The following ACADS variants were observed in gnomAD, a reference collection of about 807,000 sequenced individuals.
ACADS encodes the protein short-chain specific acyl-CoA dehydrogenase, mitochondrial.
ACADS carries 28 observed loss-of-function variants against 46.8 expected under a neutral mutation model. That is an observed-to-expected ratio of 0.60 (90% CI 0.44 to 0.82). The LOEUF is 0.82. Among genes scored for constraint, ACADS ranks in the 40% least tolerant of loss-of-function variants. The pLI is 0.00. For missense variants in ACADS, 528 were observed against 578.0 expected (o/e 0.91, Z 0.89); for synonymous variants, 236 against 237.7 (o/e 0.99, Z 0.07).
intron 2 of ACADS, among the ~76,000 whole-genome samples, chr12:120,730,220 A>G (rs1345291110): frequency 1.3e-5 from 2 of 152,148 alleles, no homozygotes; most frequent in African/African-American, 4.8e-5. Context: ...TGACTTTGTT[A>G]TCCGCCCGCC....
rs1800556 is a variant in ACADS, at chr12:120,737,875, C to T, written c.511C>T (p.Arg171Trp). ...TGCAGGAGCTGCGTCCACCACCGCCCGGGCCGAGGGCGACTCATGGGTTCT... is the reference window on the plus strand; with the variant it reads ...TGCAGGAGCTGCGTCCACCACCGCCTGGGCCGAGGGCGACTCATGGGTTCT... ...SDAGAASTTA[R>W]AEGDSWVLNG... The change falls in exon 5 of 10, where the codon CGG becomes TGG. Residue 171 changes from arginine to tryptophan, a missense_variant. By Grantham distance (101) the Arg-to-Trp change is moderately radical (BLOSUM62 -3). Transcript: ENST00000242592. The T allele has an allele frequency of 0.041, 66,708 of 1,613,908 alleles. 1,595 individuals carry two copies. Among genetic ancestry groups the T allele is most frequent in the Non-Finnish European group, 0.048 (56,902 of 1,179,884 alleles).
intron 2 of ACADS, among the ~76,000 whole-genome samples, chr12:120,735,994 C>CATCCCTGTCCCCGTCCCTGTCCCT (rs1883424426): frequency 2.0e-5 from 3 of 151,724 alleles, no homozygotes; most frequent in African/African-American, 7.3e-5. Flanking sequence ...CTCCCGTCCC[C>CATCCCTGTCCCCGTCCCTGTCCCT]ATCCCTGTCC....
At position 120,725,907 on chromosome 12, in the gene ACADS, C is replaced by A. The variant is rs777704501; in HGVS notation, c.22C>A (p.Arg8=). ...GCCCATGGCCGCCGCGCTGCTCGCC[C>A]GGGCCTCGGGCCCTGCCCGCAGAGG... MAAALLA[R]ASGPARRALC... Residue 8 remains arginine, a synonymous_variant, in exon 1 of 10, where the codon CGG becomes AGG. Coordinates refer to ENST00000242592, the MANE Select transcript of ACADS (RefSeq NM_000017.4). 4 of 1,556,266 alleles carry A rather than the reference C, an allele frequency of 2.6e-6. No individual in the cohort carries two copies. The highest frequency in any genetic ancestry group is 2.4e-5 in the East Asian group (1 of 41,880).
At chr12:120,727,266 C>A in intron 2 of ACADS, 77 bp downstream of exon 2, 2 of 1,581,098 alleles carry the variant, frequency 1.3e-6, no homozygotes, top group Non-Finnish European at 8.7e-7. Context: ...TGACAGTCAG[C>A]GGCACTCGGA....
In ACADS at chr12:120,725,858, G is replaced by T; in HGVS notation, c.-28G>T. On this transcript the variant is annotated 5_prime_UTR_variant, in exon 1 of 10. Coordinates refer to ENST00000242592, the MANE Select transcript of ACADS (RefSeq NM_000017.4). ...AACAGCGCGCTCGCAGCGGGAGGTC[G>T]CGAAGCCTGGGACTGTGTCTGTCGC... 3.3e-6 allele frequency: 5 copies of T among 1,536,264 alleles called. No homozygotes were observed. Among genetic ancestry groups the T allele is most frequent in the East Asian group, 2.5e-5 (1 of 40,442 alleles).
chr12:120,727,646 C>T (rs1280168862), intron 2 of ACADS, among the ~76,000 whole-genome samples: 1 of 152,180 alleles, frequency 6.6e-6, no homozygotes, highest in Non-Finnish European at 1.5e-5. Flanking sequence ...AAGTGATTCT[C>T]CTGCCTCAGC....
chr12:120,732,242 G>A (rs1304449212), intron 2 of ACADS, among the ~76,000 whole-genome samples: 85 of 151,334 alleles, frequency 5.6e-4, no homozygotes, highest in African/African-American at 1.9e-3. Flanking sequence ...CCTCCCGGAC[G>A]GGGCGGCTGG....
In ACADS at chr12:120,738,638, G is replaced by A. The variant is rs761970893; in HGVS notation, c.901G>A (p.Gly301Arg). The A allele has an allele frequency of 4.3e-6, 7 of 1,612,706 alleles. No homozygotes were observed. The highest frequency in any genetic ancestry group is 1.7e-5 in the Admixed American group (1 of 60,004). Reference sequence around the variant, plus strand: ...CTACGCTGAGAATCGCATGGCCTTCGGGGCGCCCCTCACCAAGCTCCAGGT... The same window carrying A: ...CTACGCTGAGAATCGCATGGCCTTCAGGGCGCCCCTCACCAAGCTCCAGGT... Reference protein sequence around the residue: ...VNYAENRMAFGAPLTKLQVIQ... With the variant: ...VNYAENRMAFRAPLTKLQVIQ... The change falls in exon 7 of 10, where the codon GGG (glycine) becomes AGG (arginine). Residue 301 changes from glycine (G) to arginine (R), a missense_variant. Gly to Arg is a moderately radical substitution (Grantham distance 125, BLOSUM62 -2). Transcript: ENST00000242592.
intron 2 of ACADS, 46 bp from the exon 3 acceptor site, chr12:120,736,940 C>T (rs1293834760): frequency 1.3e-5 from 20 of 1,541,016 alleles, no homozygotes; most frequent in Middle Eastern, 1.9e-4. Flanking sequence ...AGGGTGGGCT[C>T]GCCCCCGGCA....
chr12:120,738,957 G>T (rs1883559276), intron 8 of ACADS, 42 bp downstream of exon 8: 1 of 1,610,302 alleles, frequency 6.2e-7, no homozygotes, highest in African/African-American at 1.3e-5. Context: ...GAATGTGGTG[G>T]GCCCAGGGAC....
At chr12:120,737,322 T>C in intron 3 of ACADS, 34 bp from the exon 4 acceptor site, 1 of 1,601,190 alleles carries the variant, frequency 6.2e-7, no homozygotes, top group Non-Finnish European at 8.5e-7. Context: ...CGCCTGGGCC[T>C]GGGGCCTCCG....
At chr12:120,729,989 T>A (rs555317230) in intron 2 of ACADS, among the ~76,000 whole-genome samples, 2 of 152,146 alleles carry the variant, frequency 1.3e-5, no homozygotes, top group African/African-American at 4.8e-5. Flanking sequence ...TTTTAAATTA[T>A]TTTTGTGTGT....
At chr12:120,727,292 C>T in intron 2 of ACADS, 103 bp downstream of exon 2, 1 of 1,490,546 alleles carries the variant, frequency 6.7e-7, no homozygotes, top group Non-Finnish European at 9.3e-7. Flanking sequence ...GTAGAGGAAC[C>T]CCAAAGCAGG....
chr12:120,726,129 A>AC (rs1883075733), intron 1 of ACADS, among the ~76,000 whole-genome samples, 198 bp downstream of exon 1: 1 of 150,282 alleles, frequency 6.7e-6, no homozygotes, highest in South Asian at 2.2e-4. Flanking sequence ...TCCTGCACAG[A>AC]CCCCTACCCC....
chr12:120,730,985 G>A (rs998293320), intron 2 of ACADS, among the ~76,000 whole-genome samples: 7 of 152,024 alleles, frequency 4.6e-5, no homozygotes, highest in Non-Finnish European at 7.4e-5. Context: ...CCTCACTGTC[G>A]CCCAGGCTGG....
At chr12:120,738,947 G>A (rs1883558860) in intron 8 of ACADS, 32 bp downstream of exon 8, 3 of 1,610,690 alleles carry the variant, frequency 1.9e-6, no homozygotes, top group Non-Finnish European at 2.5e-6. Context: ...CCATGGCCCA[G>A]AATGTGGTGG....
intron 1 of ACADS, among the ~76,000 whole-genome samples, 189 bp from the exon 2 acceptor site, chr12:120,726,837 G>A (rs1191140825): frequency 1.3e-5 from 2 of 152,134 alleles, no homozygotes; most frequent in African/African-American, 4.8e-5. Context: ...TGTTCAGCAG[G>A]GATCCCGGAC....
chr12:120,731,327 G>A (rs961101852), intron 2 of ACADS, among the ~76,000 whole-genome samples: 2 of 151,944 alleles, frequency 1.3e-5, no homozygotes, highest in African/African-American at 4.8e-5. Context: ...TGTTGGCCAG[G>A]CTGGATTTGA....
In ACADS at chr12:120,738,315, T is replaced by C. The variant is rs1016494621; in HGVS notation, c.660T>C (p.Pro220=). 1.2e-6 allele frequency: 2 copies of C among 1,614,058 alleles called. No individual in the cohort carries two copies. Among genetic ancestry groups the C allele is most frequent in the African/African-American group, 2.7e-5 (2 of 74,938 alleles). ...CCTTCCTGGTCCCCATGCCAACGCC[T>C]GGGCTCACGTTGGGGAAGAAAGAAG... ...ISAFLVPMPT[P]GLTLGKKEDK... is the part of the protein sequence containing the mutation. Residue 220 remains proline, a synonymous_variant, in exon 6 of 10, where the codon CCT becomes CCC. Coordinates refer to ENST00000242592, the MANE Select transcript of ACADS (RefSeq NM_000017.4).
Sources: allele counts gnomAD v4.1 joint callset (sites outside exome capture counted in the v4.1 genomes callset), GRCh38; gene constraint gnomAD v4.1.1; transcripts MANE v1.5; gene names NCBI Gene and HGNC (gene_info 2026-07-23, HGNC 2026-07-21).